The following SLC14A2 variants were observed in gnomAD, a reference collection of about 807,000 sequenced individuals.
SLC14A2 encodes solute carrier family 14 member 2.
SLC14A2 carries 91 observed loss-of-function variants against 104.6 expected under a neutral mutation model. That is an observed-to-expected ratio of 0.87 (90% CI 0.73 to 1.04). The LOEUF is 1.04. Among genes scored for constraint, SLC14A2 ranks in the 50% least tolerant of loss-of-function variants. SLC14A2 has a pLI of 0.00. For synonymous variants in SLC14A2, 476 were observed against 466.4 expected (o/e 1.02, Z -0.27); for missense variants, 1,189 against 1,156.0 (o/e 1.03, Z -0.41).
At chr18:45,560,948 A>G (rs770984151) in intron 2 of SLC14A2, among the ~76,000 whole-genome samples, 2 of 152,194 alleles carry the variant, frequency 1.3e-5, no homozygotes, top group Non-Finnish European at 2.9e-5. Flanking sequence ...TCTGCTTAAC[A>G]CGGAAAAAGT....
At chr18:45,532,316 A>G (rs1203007246) in intron 2 of SLC14A2, among the ~76,000 whole-genome samples, 1 of 151,636 alleles carries the variant, frequency 6.6e-6, no homozygotes, top group African/African-American at 2.4e-5. Context: ...CACAATATTG[A>G]CTCTTCCTAC....
intron 1 of SLC14A2, among the ~76,000 whole-genome samples, chr18:45,372,366 A>G (rs1045117355): frequency 6.6e-6 from 1 of 151,882 alleles, no homozygotes; most frequent in Non-Finnish European, 1.5e-5. Flanking sequence ...TTTCTACACT[A>G]TAATCATAGG....
intron 5 of SLC14A2, among the ~76,000 whole-genome samples, chr18:45,633,482 T>C (rs1040546441): frequency 1.3e-5 from 2 of 152,226 alleles, no homozygotes; most frequent in African/African-American, 4.8e-5. Flanking sequence ...AATATTCACC[T>C]AGCGAAGGGT....
At chr18:45,231,805 G>C (rs1330926811) in intron 1 of SLC14A2, among the ~76,000 whole-genome samples, 1 of 152,234 alleles carries the variant, frequency 6.6e-6, no homozygotes, top group Non-Finnish European at 1.5e-5. Flanking sequence ...CATTCAGTGA[G>C]TAGTTACTGA....
chr18:45,404,668 C>T (rs1424999585), intron 1 of SLC14A2, among the ~76,000 whole-genome samples: 1 of 152,214 alleles, frequency 6.6e-6, no homozygotes, highest in Non-Finnish European at 1.5e-5. Flanking sequence ...CTCTCCAGGG[C>T]TTCCAGGGTG....
intron 12 of SLC14A2, 121 bp downstream of exon 12, chr18:45,666,340 T>C (rs1304058206): frequency 6.1e-6 from 4 of 653,964 alleles, no homozygotes; most frequent in Non-Finnish European, 1.1e-5. Context: ...CTTGCATTCG[T>C]ATTTTCTGAA....
At position 45,666,856 on chromosome 18, in the gene SLC14A2, C is replaced by G. The variant is rs1198012675; in HGVS notation, c.1558-79C>G. 3.6e-4 allele frequency: 448 copies of G among 1,251,876 alleles called. 2 individuals carry two copies. The highest frequency in any genetic ancestry group is 5.7e-6 in the Non-Finnish European group (5 of 873,572). 77.5% of individuals were successfully genotyped at this position (1,251,876 alleles called of 1,614,324 possible). On this transcript the variant is annotated intron_variant, in intron 12 of 19. Transcript: ENST00000255226. The stretch of plus-strand genomic sequence containing the variant: ...ACCAAATGACAATCTTATTTGGTCC[C>G]TGAGTGACCACAAACATGAATTCTC...
upstream of SLC14A2, among the ~76,000 whole-genome samples, chr18:45,613,907 T>C (rs1046347435): frequency 6.6e-6 from 1 of 152,228 alleles, no homozygotes; most frequent in African/African-American, 2.4e-5. Flanking sequence ...ACTCATTTTC[T>C]GGGGAGAAAT....
intron 2 of SLC14A2, among the ~76,000 whole-genome samples, chr18:45,544,757 GTGATTATA>G (rs1219959021): frequency 1.4e-5 from 2 of 139,890 alleles, no homozygotes; most frequent in Non-Finnish European, 3.1e-5. Context: ...ATGTATTCAT[GTGATTATA>G]TATATATTTA....
At chr18:45,469,189 G>A (rs553590201) in intron 1 of SLC14A2, among the ~76,000 whole-genome samples, 1 of 152,232 alleles carries the variant, frequency 6.6e-6, no homozygotes, top group South Asian at 2.1e-4. Context: ...TTGTTGGAAG[G>A]ATGGTCAGTG....
intron 2 of SLC14A2, among the ~76,000 whole-genome samples, chr18:45,537,736 A>C (rs2043817563): frequency 6.6e-6 from 1 of 152,224 alleles, no homozygotes; most frequent in East Asian, 1.9e-4. Context: ...TGAAGGAAGC[A>C]AGAAGCAGAT....
At chr18:45,600,082 T>C (rs2044767846) in intron 2 of SLC14A2, among the ~76,000 whole-genome samples, 1 of 152,098 alleles carries the variant, frequency 6.6e-6, no homozygotes, top group Non-Finnish European at 1.5e-5. Flanking sequence ...GAGGTAGATA[T>C]AGACCCAGCT....
At chr18:45,407,079 A>G (rs979111652) in intron 1 of SLC14A2, among the ~76,000 whole-genome samples, 5 of 152,200 alleles carry the variant, frequency 3.3e-5, no homozygotes, top group African/African-American at 1.2e-4. Context: ...GAAGCCAGAC[A>G]TTGACTTCTC....
intron 1 of SLC14A2, among the ~76,000 whole-genome samples, chr18:45,349,067 C>T (rs1321027540): frequency 2.0e-5 from 3 of 152,200 alleles, no homozygotes; most frequent in East Asian, 1.9e-4. Context: ...TGACAGCCTG[C>T]GACAGTGTGT....
intron 1 of SLC14A2, among the ~76,000 whole-genome samples, chr18:45,248,150 T>C (rs908866218): frequency 2.6e-5 from 4 of 152,032 alleles, no homozygotes; most frequent in Non-Finnish European, 5.9e-5. Flanking sequence ...GAGTCACTGA[T>C]TGGAAGAGGA....
rs560254646 is a variant in SLC14A2, at chr18:45,282,807, A to G, written c.-125+69616A>G. ...GTTTGCTCTAATTTATTTCTTCCCTACCTCCCTCCCTACCTCCCTCCCTTC... is the reference window on the plus strand; with the variant it reads ...GTTTGCTCTAATTTATTTCTTCCCTGCCTCCCTCCCTACCTCCCTCCCTTC... On this transcript the variant is annotated intron_variant, in intron 1 of 20. Transcript: ENST00000586448. Among the ~76,000 whole-genome samples the G allele has an allele frequency of 1.4e-3, 215 of 150,764 alleles. 2 individuals are homozygous for G. The highest frequency in any genetic ancestry group is 5.0e-3 in the African/African-American group (206 of 41,044).
chr18:45,345,047 C>G (rs2085433960), intron 1 of SLC14A2, among the ~76,000 whole-genome samples: 1 of 152,130 alleles, frequency 6.6e-6, no homozygotes, highest in South Asian at 2.1e-4. Context: ...TCCATGATAG[C>G]CTGAGACAGT....
intron 2 of SLC14A2, among the ~76,000 whole-genome samples, chr18:45,543,398 GCTAA>G (rs1328894087): frequency 8.5e-5 from 13 of 152,140 alleles, no homozygotes; most frequent in Middle Eastern, 3.4e-3. Flanking sequence ...ATAGAAGCCA[GCTAA>G]CTCAGTTGGT....
chr18:45,430,225 C>T (rs1270220285), intron 1 of SLC14A2, among the ~76,000 whole-genome samples: 1 of 152,134 alleles, frequency 6.6e-6, no homozygotes, highest in East Asian at 1.9e-4. Flanking sequence ...AGGTAGCTTT[C>T]CCCAAATCAC....
Sources: allele counts gnomAD v4.1 joint callset (sites outside exome capture counted in the v4.1 genomes callset), GRCh38; gene constraint gnomAD v4.1.1; transcripts MANE v1.5; gene names NCBI Gene and HGNC (gene_info 2026-07-23, HGNC 2026-07-21).